OSMR: variants seen among roughly 807,000 people sequenced by gnomAD.
OSMR encodes oncostatin M receptor, also known as oncostatin-M-specific receptor subunit beta.
Under a neutral mutation model 99.9 loss-of-function variants are expected in OSMR, and 81 were observed. That is an observed-to-expected ratio of 0.81 (90% CI 0.68 to 0.97). OSMR has a LOEUF of 0.97. Among genes scored for constraint, OSMR ranks in the 50% least tolerant of loss-of-function variants. OSMR has a pLI of 0.00. For synonymous variants in OSMR, 406 were observed against 410.4 expected, an observed-to-expected ratio of 0.99 and a Z score of 0.13; for missense variants, 1,099 against 1,153.4, an observed-to-expected ratio of 0.95 and a Z score of 0.68.
intron 3 of OSMR, among the ~76,000 whole-genome samples, chr5:38,878,154 A>T (rs1267544580): frequency 6.6e-6 from 1 of 152,202 alleles, no homozygotes; most frequent in Admixed American, 6.5e-5. Context: ...CCCCCAGGCC[A>T]TCGGTGGACA....
At chr5:38,930,481 G>C (rs1250542466) in intron 15 of OSMR, among the ~76,000 whole-genome samples, 1 of 152,184 alleles carries the variant, frequency 6.6e-6, no homozygotes, top group African/African-American at 2.4e-5. Context: ...ATGTGAGGTG[G>C]AGCATGGGGA....
intron 4 of OSMR, among the ~76,000 whole-genome samples, chr5:38,882,521 G>T (rs1743370780): frequency 6.6e-6 from 1 of 152,048 alleles, no homozygotes; most frequent in Admixed American, 6.6e-5. Context: ...GTTGCAGTGA[G>T]CCTAGATTAC....
chr5:38,894,523 AC>A (rs962432585), intron 7 of OSMR, among the ~76,000 whole-genome samples: 4 of 152,162 alleles, frequency 2.6e-5, no homozygotes, highest in African/African-American at 9.7e-5. Flanking sequence ...AAAATGGAAA[AC>A]CAAAAAGAGC....
At chr5:38,921,451 C>G in intron 11 of OSMR, 164 bp from the exon 12 acceptor site, 3 of 981,298 alleles carry the variant, frequency 3.1e-6, no homozygotes, top group Non-Finnish European at 3.6e-6. Flanking sequence ...GAGACAAGAA[C>G]TCACCCATGA....
chr5:38,919,723 G>T (rs1746134889), intron 11 of OSMR, among the ~76,000 whole-genome samples: 1 of 152,130 alleles, frequency 6.6e-6, no homozygotes, highest in Non-Finnish European at 1.5e-5. Context: ...GGCATCCTGG[G>T]ATCATTCATG....
chr5:38,880,838 A>G (rs751927556), intron 3 of OSMR, among the ~76,000 whole-genome samples: 3 of 152,238 alleles, frequency 2.0e-5, no homozygotes, highest in Non-Finnish European at 4.4e-5. Flanking sequence ...GTGGAATTAG[A>G]GAATGGAAAT....
At chr5:38,905,226 C>A (rs1001231347) in intron 9 of OSMR, among the ~76,000 whole-genome samples, 1 of 152,182 alleles carries the variant, frequency 6.6e-6, no homozygotes, top group African/African-American at 2.4e-5. Flanking sequence ...TGCAGTGGCT[C>A]ACACCTGTAA....
chr5:38,921,496 A>C, intron 11 of OSMR, 119 bp from the exon 12 acceptor site: 3 of 1,542,936 alleles, frequency 1.9e-6, no homozygotes, highest in Middle Eastern at 4.7e-4. Flanking sequence ...TAACTATTGA[A>C]GTGGAGGTCT....
At chr5:38,935,702 C>T (rs926538082), downstream of OSMR, 8 of 152,140 alleles carry the variant, frequency 5.3e-5, no homozygotes, top group African/African-American at 1.9e-4. Context: ...TTAGATGATA[C>T]ATCACCTCAT....
chr5:38,926,263 T>C (rs1013134539), intron 15 of OSMR, among the ~76,000 whole-genome samples: 2 of 152,228 alleles, frequency 1.3e-5, no homozygotes, highest in Admixed American at 1.3e-4. Flanking sequence ...GCTGTAGAGA[T>C]GGGCACATCC....
At chr5:38,883,574 A>C (rs1025994696) in intron 4 of OSMR, 1 of 345,812 alleles carries the variant, frequency 2.9e-6, no homozygotes, top group African/African-American at 2.2e-5. Context: ...CAATTATCAG[A>C]GTGGTAATAG....
chr5:38,897,999 A>G (rs1744630695), intron 7 of OSMR, among the ~76,000 whole-genome samples: 1 of 152,184 alleles, frequency 6.6e-6, no homozygotes. Flanking sequence ...AAAACTGTTT[A>G]AGACTTGTTT....
At chr5:38,861,864 G>A (rs1310761471) in intron 1 of OSMR, among the ~76,000 whole-genome samples, 3 of 143,422 alleles carry the variant, frequency 2.1e-5, no homozygotes, top group Non-Finnish European at 4.6e-5. Flanking sequence ...GCGGCTGGCC[G>A]GGCGGGGGGC....
chr5:38,885,389 G>A lies in OSMR; in HGVS notation c.744G>A (p.Glu248=), dbSNP rs777361724. ...EEPKDFSCET[E]DFKTLHCTWD... is the part of the protein sequence containing the mutation. Reference sequence around the variant, plus strand: ...CCAAGGACTTTTCTTGTGAAACCGAGGACTTCAAGACTTTGCACTGTACTT... The same window carrying A: ...CCAAGGACTTTTCTTGTGAAACCGAAGACTTCAAGACTTTGCACTGTACTT... Residue 248 remains glutamate, a synonymous_variant, in exon 6 of 18, where the codon GAG becomes GAA. Coordinates refer to ENST00000274276, the MANE Select transcript of OSMR (RefSeq NM_003999.3). 6.2e-7 allele frequency: 1 copy of A among 1,613,778 alleles called. No homozygotes were observed. The highest frequency in any genetic ancestry group is 8.5e-7 in the Non-Finnish European group (1 of 1,179,832).
At chr5:38,858,580 A>T (rs1042680024) in intron 1 of OSMR, among the ~76,000 whole-genome samples, 7 of 152,192 alleles carry the variant, frequency 4.6e-5, no homozygotes, top group Non-Finnish European at 8.8e-5. Context: ...ATGGGGGTGC[A>T]GGGATCCCTT....
rs555000838 is a variant in OSMR, at chr5:38,882,292, G to A, written c.418+528G>A. Among the ~76,000 whole-genome samples the A allele has an allele frequency of 3.9e-5, 6 of 152,270 alleles. No homozygotes were observed. The East Asian group carries it at 1.2e-3, about 29-fold the overall frequency. ...TGATAGAAATTTATTTACAGAAACA[G>A]GGCCAGGCATGGTGGCTCACTCCTG... On this transcript the variant is annotated intron_variant, in intron 4 of 17. Coordinates refer to ENST00000274276, the MANE Select transcript of OSMR (RefSeq NM_003999.3).
intron 7 of OSMR, among the ~76,000 whole-genome samples, chr5:38,887,349 A>T (rs1743850965): frequency 6.6e-6 from 1 of 152,212 alleles, no homozygotes; most frequent in South Asian, 2.1e-4. Flanking sequence ...AAAGGTTTTT[A>T]AGAAGACAAA....
intron 9 of OSMR, among the ~76,000 whole-genome samples, chr5:38,916,534 G>C (rs545711287): frequency 7.0e-4 from 107 of 152,228 alleles, no homozygotes; most frequent in African/African-American, 2.5e-3. Flanking sequence ...CAAAACATTT[G>C]GAACTGGGCT....
At chr5:38,907,231 G>A (rs780359393) in intron 9 of OSMR, among the ~76,000 whole-genome samples, 1 of 152,190 alleles carries the variant, frequency 6.6e-6, no homozygotes, top group Non-Finnish European at 1.5e-5. Flanking sequence ...ACCCACACTC[G>A]TTCTTGGCCC....
Sources: gnomAD v4.1 joint callset for allele counts (sites outside exome capture counted in the v4.1 genomes callset) on GRCh38, gnomAD v4.1.1 for gene constraint, MANE v1.5 for transcripts, NCBI Gene and HGNC (gene_info 2026-07-23, HGNC 2026-07-21) for gene names.